The following TOP2A variants were observed in gnomAD, a reference collection of about 807,000 sequenced individuals.
TOP2A encodes the protein DNA topoisomerase 2-alpha.
TOP2A carries 68 observed loss-of-function variants against 187.2 expected under a neutral mutation model. The observed-to-expected ratio is 0.36, with a 90% CI of 0.30 to 0.44. The LOEUF is 0.44. Ranked by LOEUF, TOP2A falls within the 20% of genes least tolerant of loss-of-function variation. TOP2A has a pLI of 1.00. For synonymous variants in TOP2A, 542 were observed against 593.2 expected, an observed-to-expected ratio of 0.91 and a Z score of 1.25; for missense variants, 1,196 against 1,808.7, an observed-to-expected ratio of 0.66 and a Z score of 6.14.
rs1394943262 is a variant in TOP2A at position 40,417,466 on chromosome 17, G to A, written c.21+305C>T. The A allele has an allele frequency of 3.5e-6, 4 of 1,143,178 alleles. No homozygotes were observed. The South Asian group carries it at 5.5e-5, about 16-fold the overall frequency. The allele number at this position is 1,143,178 out of a possible 1,614,324, so 70.8% of individuals were successfully genotyped here. A position where few individuals can be genotyped will look rare whatever the true frequency, so the allele number is the denominator to read the frequency against. ...GGGCAGGAGGGGAAAGCATCTGTAC[G>A]CGCGACTCAATAACGTCGCACCCGG... On this transcript the variant is annotated intron_variant, in intron 1 of 34. Transcript: ENST00000423485.
chr17:40,416,107 G>A (rs1190738265), intron 3 of TOP2A, 39 bp from the exon 4 acceptor site: 1 of 1,446,530 alleles, frequency 6.9e-7, no homozygotes, highest in Non-Finnish European at 9.5e-7. Flanking sequence ...AGAAATTAGT[G>A]TTTTAAGAAA....
intron 27 of TOP2A, 116 bp downstream of exon 27, chr17:40,398,442 T>G: frequency 1.1e-6 from 1 of 898,198 alleles, no homozygotes; most frequent in Non-Finnish European, 1.7e-6. Flanking sequence ...GAATTTATCC[T>G]TATGCCTCTT....
intron 7 of TOP2A, 49 bp downstream of exon 7, chr17:40,412,710 A>C: frequency 6.7e-7 from 1 of 1,483,884 alleles, no homozygotes; most frequent in South Asian, 1.2e-5. Flanking sequence ...TGCACTTGAC[A>C]ATGATTACAA....
intron 33 of TOP2A, 112 bp downstream of exon 33, chr17:40,391,394 C>T (rs1240918335): frequency 2.7e-6 from 3 of 1,107,322 alleles, no homozygotes; most frequent in African/African-American, 3.2e-5. Flanking sequence ...AATTGGAAAA[C>T]ATTTAATCTG....
chr17:40,416,721 T>C lies in TOP2A; in HGVS notation c.177+19A>G. 1 of 1,604,500 alleles carries C rather than the reference T, an allele frequency of 6.2e-7. No individual in the cohort carries two copies. On this transcript the variant is annotated intron_variant, in intron 2 of 34. Coordinates refer to ENST00000423485, the MANE Select transcript of TOP2A (RefSeq NM_001067.4). ...ATTTCAACTACTAGGTTAACTGCCT[T>C]TGATGAGCTTGATTTTACCTGGGTC...
intron 12 of TOP2A, 45 bp downstream of exon 12, chr17:40,407,922 T>C: frequency 6.5e-7 from 1 of 1,540,170 alleles, no homozygotes; most frequent in Non-Finnish European, 8.8e-7. Flanking sequence ...TAAAGTCTTG[T>C]ATTATAAATT....
At chr17:40,404,658 TTAAC>T (rs2035217321) in intron 17 of TOP2A, 129 bp downstream of exon 17, 1 of 745,726 alleles carries the variant, frequency 1.3e-6, no homozygotes, top group African/African-American at 1.8e-5. Context: ...TAAAGCAAAT[TTAAC>T]TGCTGCACAA....
intron 10 of TOP2A, 159 bp from the exon 11 acceptor site, chr17:40,408,789 G>A: frequency 1.3e-6 from 1 of 777,416 alleles, no homozygotes; most frequent in Non-Finnish European, 2.2e-6. Flanking sequence ...ATCTTCCCAT[G>A]TCAGGTTATC....
chr17:40,396,083 G>A (rs1056991228), intron 28 of TOP2A, among the ~76,000 whole-genome samples, 200 bp downstream of exon 28: 3 of 151,008 alleles, frequency 2.0e-5, no homozygotes, highest in Non-Finnish European at 2.9e-5. Context: ...GGGTTCAAGC[G>A]ATTCTTCTGC....
rs2035053918 is a variant in TOP2A, at chr17:40,393,590, T to C, written c.3812-853A>G. Among the ~76,000 whole-genome samples, 2 of 152,182 alleles carry C rather than the reference T, an allele frequency of 1.3e-5. 1 individual carries two copies. The highest frequency in any genetic ancestry group is 4.1e-4 in the South Asian group (2 of 4,828). ...CATAAACCTTAACATTTATAGTCAA[T>C]TGATTTTTGACAAGGGTGAAGACAA... is the stretch of plus-strand genomic sequence containing the variant. On this transcript the variant is annotated intron_variant, in intron 29 of 34. Coordinates refer to ENST00000423485, the MANE Select transcript of TOP2A (RefSeq NM_001067.4).
chr17:40,404,039 C>A, intron 19 of TOP2A, 113 bp downstream of exon 19: 1 of 1,369,084 alleles, frequency 7.3e-7, no homozygotes, highest in Non-Finnish European at 9.8e-7. Flanking sequence ...GTTTTACCAA[C>A]TTGTTCTTTA....
At chr17:40,390,584 A>G (rs1370624552) in intron 33 of TOP2A, among the ~76,000 whole-genome samples, 2 of 152,008 alleles carry the variant, frequency 1.3e-5, no homozygotes, top group African/African-American at 4.8e-5. Flanking sequence ...ACAATCTAAG[A>G]GAGGTGAAAA....
intron 16 of TOP2A, among the ~76,000 whole-genome samples, chr17:40,405,299 G>C (rs550853724): frequency 6.6e-6 from 1 of 151,796 alleles, no homozygotes; most frequent in African/African-American, 2.4e-5. Context: ...ACAGGCACGT[G>C]CCACCACACC....
At chr17:40,401,305 A>G (rs970274022) in intron 20 of TOP2A, among the ~76,000 whole-genome samples, 10 of 152,214 alleles carry the variant, frequency 6.6e-5, no homozygotes, top group African/African-American at 2.4e-4. Context: ...CAATTAACAC[A>G]TATTTTGTTA....
rs2034988677 is a variant in TOP2A at position 40,388,829 on chromosome 17, C to T, written c.*690G>A. The T allele has an allele frequency of 5.1e-6, 1 of 197,414 alleles. No homozygotes were observed. The highest frequency in any genetic ancestry group is 2.3e-5 in the African/African-American group (1 of 43,312). 12.2% of individuals were successfully genotyped at this position (197,414 alleles called of 1,614,324 possible). A position where few individuals can be genotyped will look rare whatever the true frequency, so the allele number is the denominator to read the frequency against. On this transcript the variant is annotated 3_prime_UTR_variant, in exon 35 of 35. Transcript: ENST00000423485. ...TTTCTCTCTTTGGGAGATTCAGACTCAGAGGCAGCCAGAGGGGACAGGTCA... is the reference window on the plus strand; with the variant it reads ...TTTCTCTCTTTGGGAGATTCAGACTTAGAGGCAGCCAGAGGGGACAGGTCA...
intron 14 of TOP2A, 57 bp from the exon 15 acceptor site, chr17:40,406,746 C>A: frequency 6.4e-7 from 1 of 1,564,028 alleles, no homozygotes; most frequent in Non-Finnish European, 8.8e-7. Flanking sequence ...CTGTATACCA[C>A]TACATGTGAC....
chr17:40,407,251 C>A (rs532930010), intron 13 of TOP2A, among the ~76,000 whole-genome samples: 1 of 151,880 alleles, frequency 6.6e-6, no homozygotes, highest in Non-Finnish European at 1.5e-5. Flanking sequence ...GCGACAAGGG[C>A]GAAACTCCAT....
intron 1 of TOP2A, among the ~76,000 whole-genome samples, chr17:40,417,428 G>A (rs2035406040): frequency 6.6e-6 from 1 of 152,080 alleles, no homozygotes; most frequent in Non-Finnish European, 1.5e-5. Context: ...ATTCAAGACC[G>A]TTTTCAAGCA....
chr17:40,404,351 A>G (rs1467680631), intron 18 of TOP2A, 26 bp downstream of exon 18: 1 of 1,606,116 alleles, frequency 6.2e-7, no homozygotes. Flanking sequence ...CTTACAATGA[A>G]AACAGACTAA....
Sources: gnomAD v4.1 joint callset for allele counts (sites outside exome capture counted in the v4.1 genomes callset) on GRCh38, gnomAD v4.1.1 for gene constraint, MANE v1.5 for transcripts, NCBI Gene and HGNC (gene_info 2026-07-23, HGNC 2026-07-21) for gene names.